The following IFT122 variants were observed in gnomAD, a reference collection of about 807,000 sequenced individuals.
IFT122 encodes intraflagellar transport 122, also known as intraflagellar transport protein 122 homolog.
IFT122 carries 118 observed loss-of-function variants against 161.6 expected under a neutral mutation model. The ratio of observed to expected loss-of-function variants is 0.73; its 90% CI spans 0.63 to 0.85. IFT122 has a LOEUF of 0.85. Ranked by LOEUF, IFT122 falls within the 40% of genes least tolerant of loss-of-function variation. The pLI is 0.00. For missense variants in IFT122, 1,381 were observed against 1,579.6 expected (o/e 0.87, Z 2.13); for synonymous variants, 550 against 602.4 (o/e 0.91, Z 1.27).
At chr3:129,504,554 T>G in intron 21 of IFT122, 133 bp downstream of exon 21, 1 of 763,648 alleles carries the variant, frequency 1.3e-6, no homozygotes, top group South Asian at 1.4e-5. Context: ...GGGATGTGAT[T>G]GTTTGGTGGT....
chr3:129,460,791 G>C (rs1044702779), intron 4 of IFT122: 58 of 1,348,060 alleles, frequency 4.3e-5, no homozygotes, highest in Admixed American at 4.2e-4. Flanking sequence ...GGGTTGAGAC[G>C]CCTTGCATGG....
chr3:129,468,228 A>G (rs2077002070), intron 8 of IFT122, among the ~76,000 whole-genome samples: 1 of 152,232 alleles, frequency 6.6e-6, no homozygotes, highest in Non-Finnish European at 1.5e-5. Flanking sequence ...TTGCCTGCCT[A>G]CATATCCAGT....
rs148873036 is a variant in IFT122 at position 129,491,942 on chromosome 3, A to G, written c.1993-199A>G. Reference sequence around the variant, plus strand: ...CTGGGATGTCTTTGCTGTTCTTTACATGGTCCAATCCCATGGATAAAGCCA... The same window carrying G: ...CTGGGATGTCTTTGCTGTTCTTTACGTGGTCCAATCCCATGGATAAAGCCA... On this transcript the variant is annotated intron_variant, in intron 16 of 29. Coordinates refer to ENST00000348417, the MANE Select transcript of IFT122 (RefSeq NM_052989.3). 2.6e-4 allele frequency among the ~76,000 whole-genome samples: 39 copies of G among 152,298 alleles called. No homozygotes were observed. The East Asian group carries it at 7.3e-3, about 29-fold the overall frequency.
Position 129,520,307 on chromosome 3 carries a change from G to A in IFT122, c.*42G>A, listed in dbSNP as rs906946649. 1.4e-6 allele frequency: 2 copies of A among 1,434,562 alleles called. No individual in the cohort carries two copies. Among genetic ancestry groups the A allele is most frequent in the Admixed American group, 3.5e-5 (2 of 57,116 alleles). The allele number at this position is 1,434,562 out of a possible 1,614,324, so 88.9% of individuals were successfully genotyped here. On this transcript the variant is annotated 3_prime_UTR_variant, in exon 30 of 30. Transcript: ENST00000348417. The stretch of plus-strand genomic sequence containing the variant: ...GGCCTGCACCCTCTGCCCGCCTTGG[G>A]GTCTGCTGGGCTGTGAAGGAGAATA...
At chr3:129,471,546 A>G (rs2077373027) in intron 9 of IFT122, among the ~76,000 whole-genome samples, 2 of 152,214 alleles carry the variant, frequency 1.3e-5, no homozygotes, top group Non-Finnish European at 2.9e-5. Context: ...CTATGGCCAC[A>G]GAAGAAAAGA....
At position 129,443,415 on chromosome 3, in the gene IFT122, A is replaced by G. The variant is rs144240917; in HGVS notation, c.41+3044A>G. ...GCAGGTGGAGAGAGAACCATCCTAC[A>G]GTAGAATAGACTGCCTGCAAATGAG... is the stretch of plus-strand genomic sequence containing the variant. On this transcript the variant is annotated intron_variant, in intron 1 of 29. Transcript: ENST00000348417. 2.0e-3 allele frequency among the ~76,000 whole-genome samples: 299 copies of G among 152,320 alleles called. 1 individual carries two copies. Among genetic ancestry groups the G allele is most frequent in the African/African-American group, 6.3e-3 (261 of 41,566 alleles).
chr3:129,513,745 C>G, intron 24 of IFT122: 1 of 190,934 alleles, frequency 5.2e-6, no homozygotes, highest in Non-Finnish European at 1.1e-5. Flanking sequence ...GCACTGCAGA[C>G]GGCGGGAGCA....
chr3:129,456,995 T>C (rs1477217133), intron 3 of IFT122, among the ~76,000 whole-genome samples: 2 of 152,220 alleles, frequency 1.3e-5, no homozygotes, highest in African/African-American at 4.8e-5. Flanking sequence ...CCTCTGTGTT[T>C]CAGATGAAGG....
intron 17 of IFT122, among the ~76,000 whole-genome samples, chr3:129,492,558 A>G (rs891849021): frequency 6.6e-6 from 1 of 151,916 alleles, no homozygotes; most frequent in African/African-American, 2.4e-5. Context: ...ATCCTCTCAG[A>G]CTCCAGTAAT....
chr3:129,484,148 C>A (rs2079003553), intron 15 of IFT122, among the ~76,000 whole-genome samples: 1 of 151,982 alleles, frequency 6.6e-6, no homozygotes. Context: ...TGGGACTCTG[C>A]ACAAGCTCTC....
Position 129,465,539 on chromosome 3 carries a change from C to T in IFT122, c.563+758C>T, listed in dbSNP as rs145141171. Among the ~76,000 whole-genome samples the T allele has an allele frequency of 4.5e-3, 658 of 145,240 alleles. 8 individuals are homozygous for T. Among genetic ancestry groups the T allele is most frequent in the African/African-American group, 0.017 (640 of 38,600 alleles). On this transcript the variant is annotated intron_variant, in intron 7 of 29. Transcript: ENST00000348417. Reference sequence around the variant, plus strand: ...AGCCTGGAGTGCAGTGGCACAATCTCGGCTCACTGCAACCTCCACCTCTCG... The same window carrying T: ...AGCCTGGAGTGCAGTGGCACAATCTTGGCTCACTGCAACCTCCACCTCTCG...
At chr3:129,487,508 C>G (rs1206172213) in intron 15 of IFT122, 2 of 154,980 alleles carry the variant, frequency 1.3e-5, no homozygotes, top group African/African-American at 4.8e-5. Flanking sequence ...TCGTTAGGAA[C>G]TATTCATGGG....
Position 129,476,442 on chromosome 3 carries a change from G to C in IFT122, c.944G>C (p.Gly315Ala), listed in dbSNP as rs1418666070. The change falls in exon 10 of 30, where the codon GGG becomes GCG. Residue 315 changes from glycine (G) to alanine (A), a missense_variant. Physicochemically the swap from Gly to Ala is moderately conservative, Grantham distance 60. Transcript: ENST00000348417. ...SLFTKDGVRL[G>A]TVGEQNSWVW... ...TTCACCAAGGATGGAGTGCGGCTTG[G>C]GACTGTTGGGGAGCAGAACTCCTGG... The C allele has an allele frequency of 3.1e-6, 5 of 1,613,984 alleles. No homozygotes were observed. Among genetic ancestry groups the C allele is most frequent in the Non-Finnish European group, 4.2e-6 (5 of 1,180,022 alleles).
At chr3:129,490,082 T>G (rs946862408) in intron 16 of IFT122, among the ~76,000 whole-genome samples, 1 of 152,136 alleles carries the variant, frequency 6.6e-6, no homozygotes, top group Non-Finnish European at 1.5e-5. Context: ...AGGCAGGTCT[T>G]GAACTCCTGG....
Position 129,517,527 on chromosome 3 carries a change from C to T in IFT122, c.3324C>T (p.Ile1108=), listed in dbSNP as rs960445731. The T allele has an allele frequency of 1.2e-6, 2 of 1,614,048 alleles. No individual in the cohort carries two copies. The highest frequency in any genetic ancestry group is 1.7e-6 in the Non-Finnish European group (2 of 1,179,964). The change falls in exon 27 of 30, where the codon ATC becomes ATT. Residue 1108 remains isoleucine, a synonymous_variant. Coordinates refer to ENST00000348417, the MANE Select transcript of IFT122 (RefSeq NM_052989.3). The stretch of plus-strand genomic sequence containing the variant: ...AAGGGATCACTGATGAAGAAGCCAT[C>T]TCCCTCATCGACCTGGAGGTGCTGA... ...LEEGITDEEA[I]SLIDLEVLRP... is the part of the protein sequence containing the mutation.
At chr3:129,504,571 CTG>C (rs2081991703) in intron 21 of IFT122, 150 bp downstream of exon 21, 2 of 734,524 alleles carry the variant, frequency 2.7e-6, no homozygotes, top group East Asian at 2.6e-5. Flanking sequence ...TGGTGAAAGA[CTG>C]TGGAGCATGG....
intron 3 of IFT122, chr3:129,456,224 C>T (rs1320812041): frequency 7.8e-7 from 1 of 1,285,974 alleles, no homozygotes; most frequent in Non-Finnish European, 1.0e-6. Context: ...TCATCACCAT[C>T]ACCTGCTACC....
At chr3:129,498,577 C>T (rs548054207) in intron 18 of IFT122, among the ~76,000 whole-genome samples, 56 of 152,296 alleles carry the variant, frequency 3.7e-4, no homozygotes, top group African/African-American at 1.3e-3. Flanking sequence ...GCGCTTTCCT[C>T]CCCTTCTTAA....
At position 129,440,277 on chromosome 3, in the gene IFT122, CTGAGACAGACGCTGAGGCGGGTAG is replaced by C. The variant is rs2072769432; in HGVS notation, c.-53_-30del. 6.5e-7 allele frequency: 1 copy of C among 1,548,162 alleles called. No homozygotes were observed. On this transcript the variant is annotated 5_prime_UTR_variant, in exon 1 of 30. Transcript: ENST00000348417. ...GTGGCGACCGTTAGTGAGGCGGTTG[CTGAGACAGACGCTGAGGCGGGTAG>C]GAGGAGCCCGAGCCGTAAGGGAAGC...
Sources: gnomAD v4.1 joint callset for allele counts (sites outside exome capture counted in the v4.1 genomes callset) on GRCh38, gnomAD v4.1.1 for gene constraint, MANE v1.5 for transcripts, NCBI Gene and HGNC (gene_info 2026-07-23, HGNC 2026-07-21) for gene names.